LAMA2: variants seen among roughly 807,000 people sequenced by gnomAD.
LAMA2 encodes laminin subunit alpha 2, also known as laminin subunit alpha-2.
LAMA2 carries 269 observed loss-of-function variants against 364.8 expected under a neutral mutation model. The ratio of observed to expected loss-of-function variants is 0.74; its 90% CI spans 0.67 to 0.82. The LOEUF is 0.82. Ranked by LOEUF, LAMA2 falls within the 40% of genes least tolerant of loss-of-function variation. The pLI is 0.00. For missense variants in LAMA2, 3,807 were observed against 3,873.2 expected, an observed-to-expected ratio of 0.98 and a Z score of 0.45; for synonymous variants, 1,379 against 1,370.6, an observed-to-expected ratio of 1.01 and a Z score of -0.14.
intron 1 of LAMA2, among the ~76,000 whole-genome samples, chr6:128,946,661 A>G (rs1582743160): frequency 1.3e-5 from 2 of 152,314 alleles, no homozygotes; most frequent in East Asian, 1.9e-4. Context: ...TGTGACCTCT[A>G]TTTATATAGT....
chr6:129,096,935 G>A (rs187412962), intron 3 of LAMA2, among the ~76,000 whole-genome samples: 1 of 152,090 alleles, frequency 6.6e-6, no homozygotes, highest in African/African-American at 2.4e-5. Context: ...GTCCCTTAGG[G>A]TATACCATAG....
chr6:128,899,776 T>G (rs1032339394), intron 1 of LAMA2, among the ~76,000 whole-genome samples: 1 of 149,014 alleles, frequency 6.7e-6, no homozygotes, highest in Non-Finnish European at 1.5e-5. Context: ...GCTTCTTGAG[T>G]TTTTTTTTTC....
intron 18 of LAMA2, among the ~76,000 whole-genome samples, chr6:129,287,363 C>T (rs1422758829): frequency 6.6e-6 from 1 of 152,130 alleles, no homozygotes; most frequent in East Asian, 1.9e-4. Context: ...TTCTGAGTCA[C>T]AGTTTCTAGT....
At chr6:129,443,021 A>C in intron 43 of LAMA2, 42 bp from the exon 44 acceptor site, 1 of 1,490,314 alleles carries the variant, frequency 6.7e-7, no homozygotes, top group Non-Finnish European at 9.3e-7. Context: ...TCATGAATTT[A>C]TAATTTTTTT....
Position 129,313,031 on chromosome 6 carries a change from C to T in LAMA2, c.3345C>T (p.Ala1115=). The change falls in exon 23 of 65, where the codon GCC becomes GCT. Residue 1115 remains alanine, a synonymous_variant. Coordinates refer to ENST00000421865, the MANE Select transcript of LAMA2 (RefSeq NM_000426.4). ...ACTGCTTCCTCCCTGGGACAGATGC[C>T]ACAACCTGTGATTCAGAGACTAAAA... ...LCDCFLPGTD[A]TTCDSETKKC... 6.2e-7 allele frequency: 1 copy of T among 1,614,112 alleles called. No individual in the cohort carries two copies. Among genetic ancestry groups the T allele is most frequent in the Non-Finnish European group, 8.5e-7 (1 of 1,179,976 alleles).
intron 43 of LAMA2, among the ~76,000 whole-genome samples, chr6:129,442,559 C>T (rs1350339653): frequency 6.6e-6 from 1 of 152,106 alleles, no homozygotes; most frequent in African/African-American, 2.4e-5. Flanking sequence ...CGTATAAGTG[C>T]AGGTTTGTTA....
chr6:128,945,099 G>A (rs973113747), intron 1 of LAMA2, among the ~76,000 whole-genome samples: 3 of 152,218 alleles, frequency 2.0e-5, no homozygotes, highest in African/African-American at 7.2e-5. Flanking sequence ...TCATACAGAA[G>A]AGCAGGCGTA....
intron 35 of LAMA2, among the ~76,000 whole-genome samples, chr6:129,386,577 C>G (rs1040511429): frequency 1.3e-5 from 2 of 151,914 alleles, no homozygotes; most frequent in Non-Finnish European, 1.5e-5. Flanking sequence ...GACAGTTCAC[C>G]ATACAAAAAT....
intron 4 of LAMA2, among the ~76,000 whole-genome samples, chr6:129,123,204 G>T (rs940846486): frequency 1.8e-4 from 27 of 151,810 alleles, no homozygotes; most frequent in African/African-American, 6.5e-4. Context: ...TACTTGGGAG[G>T]CTGAGGCAGA....
chr6:129,325,023 C>T (rs1775189511), intron 28 of LAMA2, among the ~76,000 whole-genome samples: 1 of 152,126 alleles, frequency 6.6e-6, no homozygotes, highest in African/African-American at 2.4e-5. Flanking sequence ...TGAGCTCCAG[C>T]ACAAGCATCT....
intron 55 of LAMA2, among the ~76,000 whole-genome samples, chr6:129,484,072 A>C (rs1297838925): frequency 6.6e-6 from 1 of 152,218 alleles, no homozygotes; most frequent in African/African-American, 2.4e-5. Context: ...CACTTGATTG[A>C]ACAAAACAAG....
intron 1 of LAMA2, among the ~76,000 whole-genome samples, chr6:129,023,918 C>A (rs1264466928): frequency 6.6e-6 from 1 of 152,128 alleles, no homozygotes; most frequent in Non-Finnish European, 1.5e-5. Flanking sequence ...GTTTGTCATT[C>A]AGTCCATTTT....
At chr6:129,468,337 A>T (rs900406216) in intron 51 of LAMA2, among the ~76,000 whole-genome samples, 9 of 151,870 alleles carry the variant, frequency 5.9e-5, no homozygotes, top group Non-Finnish European at 1.0e-4. Flanking sequence ...GTGTCTCACC[A>T]CAAATTTCTC....
intron 35 of LAMA2, among the ~76,000 whole-genome samples, chr6:129,390,471 CTA>C (rs1431705608): frequency 4.6e-5 from 7 of 152,012 alleles, no homozygotes; most frequent in African/African-American, 1.7e-4. Context: ...TCAGGAATCT[CTA>C]TGTCATAAGG....
At position 129,007,853 on chromosome 6, in the gene LAMA2, G is replaced by GT. The variant is rs769114565; in HGVS notation, c.113-42062dup. Among the ~76,000 whole-genome samples, 65 of 152,156 alleles carry GT rather than the reference G, an allele frequency of 4.3e-4. 2 individuals are homozygous for GT. Among genetic ancestry groups the GT allele is most frequent in the Non-Finnish European group, 1.0e-4 (7 of 68,020 alleles). On this transcript the variant is annotated intron_variant, in intron 1 of 64. Coordinates refer to ENST00000421865, the MANE Select transcript of LAMA2 (RefSeq NM_000426.4). ...TCAGTAAAATGGTCTGTGTTGATTA[G>GT]TTTGTCTTTGGGGTGTACTTGATTC...
intron 4 of LAMA2, among the ~76,000 whole-genome samples, chr6:129,107,758 T>C (rs1157484421): frequency 1.3e-5 from 2 of 152,080 alleles, no homozygotes; most frequent in Non-Finnish European, 2.9e-5. Context: ...TACAGAGAGG[T>C]CAAATAACTT....
intron 58 of LAMA2, among the ~76,000 whole-genome samples, chr6:129,497,717 C>T (rs568519053): frequency 1.3e-5 from 2 of 152,286 alleles, no homozygotes; most frequent in Admixed American, 6.5e-5. Context: ...CAGCAACTTA[C>T]AGCATGAGGA....
intron 4 of LAMA2, among the ~76,000 whole-genome samples, chr6:129,142,918 C>T (rs901157462): frequency 6.6e-5 from 10 of 151,194 alleles, no homozygotes; most frequent in Admixed American, 5.3e-4. Flanking sequence ...TTGAATAGGG[C>T]CCTCATATAT....
intron 1 of LAMA2, among the ~76,000 whole-genome samples, chr6:129,004,593 A>T (rs1784325873): frequency 6.6e-6 from 1 of 152,216 alleles, no homozygotes; most frequent in East Asian, 1.9e-4. Context: ...AGCCTAATGT[A>T]TTGCCTTCTC....
Sources: gnomAD v4.1 joint callset for allele counts (sites outside exome capture counted in the v4.1 genomes callset) on GRCh38, gnomAD v4.1.1 for gene constraint, MANE v1.5 for transcripts, NCBI Gene and HGNC (gene_info 2026-07-23, HGNC 2026-07-21) for gene names.